The following SDHAF4 variants were observed in gnomAD, a reference collection of about 807,000 sequenced individuals.
SDHAF4 encodes the protein succinate dehydrogenase complex assembly factor 4.
Under a neutral mutation model 14.3 loss-of-function variants are expected in SDHAF4, and 14 were observed. The observed-to-expected ratio is 0.98, with a 90% CI of 0.65 to 1.53. SDHAF4 has a LOEUF of 1.53. Ranked by LOEUF, SDHAF4 falls within the 40% of genes most tolerant of loss-of-function variation. The pLI is 0.00. For missense variants in SDHAF4, 141 were observed against 129.3 expected (o/e 1.09, Z -0.44); for synonymous variants, 63 against 47.3 (o/e 1.33, Z -1.36).
intron 2 of SDHAF4, among the ~76,000 whole-genome samples, chr6:70,584,685 G>GA (rs919296715): frequency 5.3e-5 from 8 of 152,146 alleles, no homozygotes; most frequent in Admixed American, 6.5e-5. Flanking sequence ...AAGAGACATG[G>GA]AAAGATACGA....
intron 1 of SDHAF4, among the ~76,000 whole-genome samples, chr6:70,569,154 CGG>C (rs1562054293): frequency 6.6e-6 from 1 of 150,584 alleles, no homozygotes; most frequent in African/African-American, 2.4e-5. Flanking sequence ...TTAGTAGAGA[CGG>C]GGTTTCACCG....
chr6:70,577,222 T>C (rs1802267269), intron 1 of SDHAF4, among the ~76,000 whole-genome samples: 1 of 152,204 alleles, frequency 6.6e-6, no homozygotes, highest in African/African-American at 2.4e-5. Flanking sequence ...ATTAGCCACC[T>C]TAATTCTGTC....
At chr6:70,572,649 G>GT (rs925290921) in intron 1 of SDHAF4, among the ~76,000 whole-genome samples, 29 of 147,578 alleles carry the variant, frequency 2.0e-4, no homozygotes, top group East Asian at 5.9e-4. Flanking sequence ...ATTTTCCGTG[G>GT]TTTTTTTTTT....
downstream of SDHAF4, among the ~76,000 whole-genome samples, chr6:70,593,576 C>A (rs1284106544): frequency 6.6e-6 from 1 of 152,192 alleles, no homozygotes; most frequent in Non-Finnish European, 1.5e-5. Flanking sequence ...CTACAGCAAG[C>A]AAAGCCATAG....
At chr6:70,598,106 C>T in the SDHAF4 span, among the ~76,000 whole-genome samples, 1 of 152,168 alleles carries the variant, frequency 6.6e-6, no homozygotes, top group Non-Finnish European at 1.5e-5. Context: ...GGCCGGATGT[C>T]GTGGCTCATA....
intron 1 of SDHAF4, among the ~76,000 whole-genome samples, chr6:70,573,529 G>A (rs562655289): frequency 2.0e-4 from 31 of 151,686 alleles, no homozygotes; most frequent in Admixed American, 1.9e-3. Flanking sequence ...CTCCCAAATT[G>A]CTAGGATTAC....
At chr6:70,598,343 C>A in the SDHAF4 span, among the ~76,000 whole-genome samples, 1 of 152,030 alleles carries the variant, frequency 6.6e-6, no homozygotes, top group Non-Finnish European at 1.5e-5. Flanking sequence ...GGAGCCACTG[C>A]ACTCCAGCGT....
chr6:70,579,519 G>C lies in SDHAF4; in HGVS notation c.170G>C (p.Arg57Pro). The C allele has an allele frequency of 5.0e-6, 8 of 1,610,938 alleles. No individual in the cohort carries two copies. The highest frequency in any genetic ancestry group is 6.8e-6 in the Non-Finnish European group (8 of 1,178,314). The change falls in exon 2 of 3, where the codon CGT becomes CCT. Residue 57 changes from arginine (R) to proline (P), a missense_variant. Physicochemically the swap from Arg to Pro is moderately radical, Grantham distance 103. Transcript: ENST00000370474. Reference protein sequence around the residue: ...SLKKPKLPEGRFDAPEDSHLE... With the variant: ...SLKKPKLPEGPFDAPEDSHLE... ...AAGAAGCCGAAGTTACCAGAAGGTC[G>C]TTTTGATGCACCAGAGGATTCCCAT...
chr6:70,593,230 C>T (rs1394384971), downstream of SDHAF4, among the ~76,000 whole-genome samples: 1 of 152,264 alleles, frequency 6.6e-6, no homozygotes, highest in Non-Finnish European at 1.5e-5. Flanking sequence ...GCCTTGGCGA[C>T]CTGCACATGC....
At chr6:70,575,482 A>G (rs1003851310) in intron 1 of SDHAF4, among the ~76,000 whole-genome samples, 28 of 118,220 alleles carry the variant, frequency 2.4e-4, no homozygotes, top group African/African-American at 3.7e-4. Context: ...TCTCTGTTCA[A>G]AAAAAAAAAA....
chr6:70,570,974 A>C (rs1400414194), intron 1 of SDHAF4, among the ~76,000 whole-genome samples: 2 of 152,128 alleles, frequency 1.3e-5, no homozygotes, highest in East Asian at 3.9e-4. Flanking sequence ...GTGGGTCTTC[A>C]GAGTCCAAGC....
chr6:70,568,969 T>TTC (rs1802142588), intron 1 of SDHAF4, among the ~76,000 whole-genome samples: 11 of 138,500 alleles, frequency 7.9e-5, no homozygotes, highest in African/African-American at 2.7e-4. Flanking sequence ...TTTCTTTTTT[T>TTC]TTTTTTTTTT....
At chr6:70,576,393 C>G (rs537170844) in intron 1 of SDHAF4, among the ~76,000 whole-genome samples, 1 of 152,336 alleles carries the variant, frequency 6.6e-6, no homozygotes, top group East Asian at 1.9e-4. Flanking sequence ...TCTGCAAGGT[C>G]ATATTAGGGA....
At position 70,581,019 on chromosome 6, in the gene SDHAF4, C is replaced by T. The variant is rs549386712; in HGVS notation, c.217+1453C>T. 6.7e-4 allele frequency among the ~76,000 whole-genome samples: 102 copies of T among 152,234 alleles called. 4 individuals are homozygous for T. Among genetic ancestry groups the T allele is most frequent in the Middle Eastern group, 3.4e-3 (1 of 294 alleles). On this transcript the variant is annotated intron_variant, in intron 2 of 2. Coordinates refer to ENST00000370474, the MANE Select transcript of SDHAF4 (RefSeq NM_145267.3). ...CACTCTCGGCTCACTGCAACCTCCG[C>T]CTCCCAGGTTCATGTAATACTCCTG...
At chr6:70,581,335 T>A (rs778437263) in intron 2 of SDHAF4, among the ~76,000 whole-genome samples, 15 of 151,868 alleles carry the variant, frequency 9.9e-5, no homozygotes, top group Non-Finnish European at 1.5e-4. Flanking sequence ...AGCAAAAACC[T>A]GCACTTTTCA....
the SDHAF4 span, among the ~76,000 whole-genome samples, chr6:70,597,683 C>T: frequency 5.9e-5 from 9 of 152,218 alleles, no homozygotes; most frequent in African/African-American, 2.2e-4. Context: ...CTTCAGAGAC[C>T]TGGATTTTCA....
intron 1 of SDHAF4, among the ~76,000 whole-genome samples, chr6:70,578,348 T>C (rs1802281415): frequency 6.6e-6 from 1 of 152,228 alleles, no homozygotes; most frequent in Admixed American, 6.5e-5. Context: ...TTTTTTAATA[T>C]GTTTGTTGGC....
chr6:70,576,721 A>G (rs1802260030), intron 1 of SDHAF4, among the ~76,000 whole-genome samples: 1 of 152,212 alleles, frequency 6.6e-6, no homozygotes, highest in South Asian at 2.1e-4. Context: ...ATTCCATCAA[A>G]CTAAAAATAA....
In SDHAF4 at chr6:70,588,758, G is replaced by C; in HGVS notation, c.*34G>C. ...TTCTTTAACTTCAATATTGTTTTCTGAATATGTACATCTGAATTAACTTAT... is the reference window on the plus strand; with the variant it reads ...TTCTTTAACTTCAATATTGTTTTCTCAATATGTACATCTGAATTAACTTAT... On this transcript the variant is annotated 3_prime_UTR_variant, in exon 3 of 3. Coordinates refer to ENST00000370474, the MANE Select transcript of SDHAF4 (RefSeq NM_145267.3). 2 of 1,202,010 alleles carry C rather than the reference G, an allele frequency of 1.7e-6. No individual in the cohort carries two copies. 74.5% of individuals were successfully genotyped at this position (1,202,010 alleles called of 1,614,324 possible).
Sources: gnomAD v4.1 joint callset for allele counts (sites outside exome capture counted in the v4.1 genomes callset) on GRCh38, gnomAD v4.1.1 for gene constraint, MANE v1.5 for transcripts, NCBI Gene and HGNC (gene_info 2026-07-23, HGNC 2026-07-21) for gene names.